Variants in CBLB observed in about 807,000 individuals in gnomAD.
CBLB encodes the protein Cbl proto-oncogene B, also known as E3 ubiquitin-protein ligase CBL-B.
CBLB carries 31 observed loss-of-function variants against 104.9 expected under a neutral mutation model. The observed-to-expected ratio is 0.30, with a 90% CI of 0.22 to 0.40. The LOEUF (loss-of-function observed/expected upper bound fraction) is 0.40. CBLB is among the 10% of genes least tolerant of loss of function. The pLI, the probability that CBLB is intolerant of heterozygous loss-of-function variation, is 1.00. For synonymous variants in CBLB, 440 were observed against 422.6 expected (o/e 1.04, Z -0.51); for missense variants, 1,062 against 1,214.6 (o/e 0.87, Z 1.87).
intron 9 of CBLB, among the ~76,000 whole-genome samples, chr3:105,732,563 G>C (rs1298052348): frequency 6.6e-6 from 1 of 151,738 alleles, no homozygotes; most frequent in African/African-American, 2.4e-5. Context: ...ATTCAGAAAG[G>C]ACTTTGAAAA....
At chr3:105,855,549 G>T (rs2091493347) in intron 2 of CBLB, among the ~76,000 whole-genome samples, 1 of 152,078 alleles carries the variant, frequency 6.6e-6, no homozygotes. Context: ...ATCTGTAATA[G>T]AACTTTTTTT....
At chr3:105,659,402 T>C (rs2063566736) in intron 18 of CBLB, among the ~76,000 whole-genome samples, 173 bp from the exon 19 acceptor site, 1 of 152,222 alleles carries the variant, frequency 6.6e-6, no homozygotes, top group Non-Finnish European at 1.5e-5. Context: ...ATTATCCTCA[T>C]TTTGAACAAC....
intron 3 of CBLB, among the ~76,000 whole-genome samples, chr3:105,805,517 G>A (rs932460781): frequency 6.6e-6 from 1 of 152,106 alleles, no homozygotes; most frequent in Non-Finnish European, 1.5e-5. Flanking sequence ...TGTTGCCCAG[G>A]CTGGTCTCAA....
intron 3 of CBLB, among the ~76,000 whole-genome samples, chr3:105,783,170 T>A (rs984232730): frequency 6.6e-6 from 1 of 152,210 alleles, no homozygotes; most frequent in African/African-American, 2.4e-5. Flanking sequence ...TGGCTTAATA[T>A]CCTTAGCCTG....
rs11333516 is a variant in CBLB, at chr3:105,782,578, C to CT, written c.420-6037dup. ...TCTCTCTGTAGTATTCTTTTCTTTT[C>CT]TTTTTTTTTTTTTTTTTTTTTTTTT... On this transcript the variant is annotated intron_variant, in intron 3 of 18. Coordinates refer to ENST00000394030, the MANE Select transcript of CBLB (RefSeq NM_170662.5). Among the ~76,000 whole-genome samples the CT allele has an allele frequency of 1.1e-3, 151 of 137,492 alleles. 3 individuals carry two copies. The highest frequency in any genetic ancestry group is 4.0e-3 in the African/African-American group (147 of 36,416). 90.2% of individuals were successfully genotyped at this position (137,492 alleles called of 152,430 possible).
chr3:105,667,678 T>C (rs559900367), intron 18 of CBLB, among the ~76,000 whole-genome samples: 1 of 152,320 alleles, frequency 6.6e-6, no homozygotes, highest in South Asian at 2.1e-4. Context: ...GACATACTTT[T>C]TAGATAAGAA....
chr3:105,663,076 G>T (rs1576110619), intron 18 of CBLB, among the ~76,000 whole-genome samples: 1 of 152,130 alleles, frequency 6.6e-6, no homozygotes, highest in Admixed American at 6.5e-5. Flanking sequence ...GTTACTACCT[G>T]AGACCTTCAC....
At chr3:105,745,200 T>C (rs17280887) in intron 6 of CBLB, among the ~76,000 whole-genome samples, 5,838 of 152,320 alleles carry the variant, frequency 0.038, 172 homozygotes, top group Middle Eastern at 0.061. Flanking sequence ...ATGCCTACTA[T>C]GGGCCTAATG....
intron 9 of CBLB, among the ~76,000 whole-genome samples, chr3:105,731,342 C>G (rs1016052922): frequency 6.6e-6 from 1 of 152,230 alleles, no homozygotes; most frequent in East Asian, 1.9e-4. Flanking sequence ...AGTGAAACAA[C>G]TTACTGTATA....
chr3:105,868,672 C>T (rs887235490), intron 1 of CBLB, 64 bp downstream of exon 1: 1 of 986,802 alleles, frequency 1.0e-6, no homozygotes, highest in Admixed American at 6.0e-5. Flanking sequence ...CCGCGCCTGG[C>T]TACCCCGGGC....
chr3:105,833,867 AG>A (rs2087960625), intron 3 of CBLB, among the ~76,000 whole-genome samples: 1 of 152,068 alleles, frequency 6.6e-6, no homozygotes, highest in South Asian at 2.1e-4. Context: ...CAGTATCCTA[AG>A]GGAATTAGAA....
chr3:105,695,154 A>T (rs1392198721), intron 12 of CBLB, among the ~76,000 whole-genome samples: 2 of 151,854 alleles, frequency 1.3e-5, no homozygotes. Context: ...CATTTGGGAA[A>T]ATGTAATGTG....
chr3:105,816,532 T>A (rs914080830), intron 3 of CBLB, among the ~76,000 whole-genome samples: 7 of 152,130 alleles, frequency 4.6e-5, no homozygotes, highest in African/African-American at 1.7e-4. Context: ...ATCCCTATGA[T>A]AAGAAGTACA....
At chr3:105,698,335 A>C (rs2068651648) in intron 12 of CBLB, among the ~76,000 whole-genome samples, 1 of 152,030 alleles carries the variant, frequency 6.6e-6, no homozygotes, top group Non-Finnish European at 1.5e-5. Context: ...TTCTAGTGAC[A>C]ATGCAAACAG....
At chr3:105,808,859 A>C (rs1360700867) in intron 3 of CBLB, among the ~76,000 whole-genome samples, 2 of 152,230 alleles carry the variant, frequency 1.3e-5, no homozygotes, top group Non-Finnish European at 2.9e-5. Context: ...AAAATGCAAG[A>C]GTATATTCAA....
In CBLB at chr3:105,689,427, C is replaced by T. The variant is rs868135715; in HGVS notation, c.2055-3961G>A. On this transcript the variant is annotated intron_variant, in intron 13 of 18. Coordinates refer to ENST00000394030, the MANE Select transcript of CBLB (RefSeq NM_170662.5). ...AAAACCAAGTAATATTGATTCATGG[C>T]TATTTGAAAGCCTAAGTTTAATATA... 2.6e-5 allele frequency among the ~76,000 whole-genome samples: 4 copies of T among 150,990 alleles called. No individual in the cohort carries two copies. The South Asian group carries it at 8.3e-4, about 31-fold the overall frequency.
intron 2 of CBLB, among the ~76,000 whole-genome samples, chr3:105,862,461 C>A (rs1184108025): frequency 6.6e-6 from 1 of 152,186 alleles, no homozygotes; most frequent in Non-Finnish European, 1.5e-5. Context: ...GTCACCAAGA[C>A]CTGTAGATTT....
chr3:105,665,161 G>A (rs2064233817), intron 18 of CBLB, among the ~76,000 whole-genome samples: 1 of 151,930 alleles, frequency 6.6e-6, no homozygotes, highest in South Asian at 2.1e-4. Context: ...CTAGCAGTTT[G>A]AGAGGCTGAG....
intron 4 of CBLB, among the ~76,000 whole-genome samples, chr3:105,760,780 ACT>A (rs1297759752): frequency 6.6e-6 from 1 of 152,094 alleles, no homozygotes; most frequent in Non-Finnish European, 1.5e-5. Context: ...GAAAGAAAAA[ACT>A]CTGCATATAT....
Sources: allele counts gnomAD v4.1 joint callset (sites outside exome capture counted in the v4.1 genomes callset), GRCh38; gene constraint gnomAD v4.1.1; transcripts MANE v1.5; gene names NCBI Gene and HGNC (gene_info 2026-07-23, HGNC 2026-07-21).